Variants in PRTFDC1 observed in about 807,000 individuals in gnomAD.
PRTFDC1 encodes the protein phosphoribosyl transferase domain containing 1, also known as phosphoribosyltransferase domain-containing protein 1.
A neutral mutation model predicts 34.6 loss-of-function variants in PRTFDC1; 38 were observed. That is an observed-to-expected ratio of 1.10 (90% confidence interval 0.85 to 1.44). PRTFDC1 has a LOEUF of 1.44. PRTFDC1 is among the 40% of genes most tolerant of loss of function. The probability of loss-of-function intolerance (pLI) is 0.00; values close to 1 mark genes in which losing one functional copy is unlikely to be tolerated. For missense variants in PRTFDC1, 270 were observed against 283.0 expected, an observed-to-expected ratio of 0.95 and a Z score of 0.33; for synonymous variants, 93 against 98.1, an observed-to-expected ratio of 0.95 and a Z score of 0.31.
intron 3 of PRTFDC1, among the ~76,000 whole-genome samples, chr10:24,928,796 G>A (rs1848921321): frequency 6.6e-6 from 1 of 151,500 alleles, no homozygotes; most frequent in South Asian, 2.1e-4. Context: ...TCAGCACTTT[G>A]GGAGGCCGAG....
intron 3 of PRTFDC1, among the ~76,000 whole-genome samples, chr10:24,928,908 C>A (rs1423106751): frequency 6.6e-6 from 1 of 151,384 alleles, no homozygotes; most frequent in African/African-American, 2.4e-5. Context: ...GGCGTGGTGG[C>A]GGGCGCCTGT....
intron 1 of PRTFDC1, among the ~76,000 whole-genome samples, chr10:24,950,649 G>T (rs972385058): frequency 6.6e-6 from 1 of 151,392 alleles, no homozygotes; most frequent in Non-Finnish European, 1.5e-5. Context: ...CGCCCCTCCT[G>T]CTCAACAATG....
intron 3 of PRTFDC1, among the ~76,000 whole-genome samples, chr10:24,923,999 G>A (rs1848833299): frequency 6.6e-6 from 1 of 152,154 alleles, no homozygotes; most frequent in African/African-American, 2.4e-5. Flanking sequence ...AGAACTTCGT[G>A]ACGCATGCAC....
chr10:24,889,790 A>T (rs1203102859), intron 3 of PRTFDC1, among the ~76,000 whole-genome samples: 1 of 152,232 alleles, frequency 6.6e-6, no homozygotes, highest in Non-Finnish European at 1.5e-5. Context: ...GTTGATTGGC[A>T]GTGCAGGCTT....
chr10:24,951,651 C>T (rs771848516), intron 1 of PRTFDC1: 338 of 973,890 alleles, frequency 3.5e-4, no homozygotes, highest in Non-Finnish European at 3.9e-4. Flanking sequence ...ATCCTCACCA[C>T]CATTGAGTTT....
At chr10:24,877,892 A>G (rs1847993434) in intron 3 of PRTFDC1, among the ~76,000 whole-genome samples, 1 of 149,868 alleles carries the variant, frequency 6.7e-6, no homozygotes, top group Non-Finnish European at 1.5e-5. Context: ...AAGTGCTGGG[A>G]TTACATGCAT....
At chr10:24,914,870 C>T (rs1848672574) in intron 3 of PRTFDC1, among the ~76,000 whole-genome samples, 1 of 152,184 alleles carries the variant, frequency 6.6e-6, no homozygotes, top group East Asian at 1.9e-4. Flanking sequence ...AAAGTTGTCA[C>T]TTGCTGGTCA....
intron 4 of PRTFDC1, 33 bp from the exon 5 acceptor site, chr10:24,858,442 G>T: frequency 6.2e-7 from 1 of 1,609,314 alleles, no homozygotes; most frequent in Non-Finnish European, 8.5e-7. Flanking sequence ...TTTAGAATGT[G>T]ATGCCAATCT....
intron 3 of PRTFDC1, among the ~76,000 whole-genome samples, chr10:24,904,152 C>A (rs1424822386): frequency 1.3e-5 from 2 of 152,032 alleles, no homozygotes; most frequent in African/African-American, 4.8e-5. Context: ...ACAGAGGTAG[C>A]TTGTGTGGAT....
intron 3 of PRTFDC1, among the ~76,000 whole-genome samples, chr10:24,906,472 C>CCA (rs375961155): frequency 1.3e-5 from 2 of 151,688 alleles, no homozygotes; most frequent in African/African-American, 4.8e-5. Flanking sequence ...TCACACACAC[C>CCA]CACACACACA....
chr10:24,937,555 C>CTT (rs35562409), intron 2 of PRTFDC1, among the ~76,000 whole-genome samples, 188 bp from the exon 3 acceptor site: 8 of 139,018 alleles, frequency 5.8e-5, no homozygotes, highest in Admixed American at 1.4e-4. Context: ...AAACATACTG[C>CTT]TTTTTTTTTT....
intron 3 of PRTFDC1, among the ~76,000 whole-genome samples, chr10:24,931,795 G>A (rs1848976209): frequency 6.6e-6 from 1 of 150,594 alleles, no homozygotes; most frequent in African/African-American, 2.4e-5. Context: ...TACCAAAGAC[G>A]AATTAGTACT....
intron 8 of PRTFDC1, among the ~76,000 whole-genome samples, chr10:24,850,445 A>C (rs1588567882): frequency 6.6e-6 from 1 of 152,134 alleles, no homozygotes; most frequent in Non-Finnish European, 1.5e-5. Flanking sequence ...CAGCCTGGAC[A>C]GCATACGAAG....
intron 1 of PRTFDC1, among the ~76,000 whole-genome samples, chr10:24,944,830 T>C (rs1427180255): frequency 6.6e-6 from 1 of 152,048 alleles, no homozygotes; most frequent in African/African-American, 2.4e-5. Flanking sequence ...ATGGCAGCCT[T>C]CTGCTTAGAT....
chr10:24,941,300 T>G (rs1335019852), intron 2 of PRTFDC1, among the ~76,000 whole-genome samples: 2 of 151,994 alleles, frequency 1.3e-5, no homozygotes, highest in Non-Finnish European at 2.9e-5. Flanking sequence ...AACAGTCCTC[T>G]TGCCTCAGCC....
Position 24,858,474 on chromosome 10 carries a change from T to A in PRTFDC1, c.406-65A>T, listed in dbSNP as rs1465379874. 28 of 1,526,458 alleles carry A rather than the reference T, an allele frequency of 1.8e-5. No individual in the cohort carries two copies. The East Asian group carries it at 4.8e-4, about 26-fold the overall frequency. 94.6% of individuals were successfully genotyped at this position (1,526,458 alleles called of 1,614,324 possible). On this transcript the variant is annotated intron_variant, in intron 4 of 8. Transcript: ENST00000320152. ...ATCTGACTCACAGGATACATACACATTTTTTTGCTTATAGTTAGAATTTCA... is the reference window on the plus strand; with the variant it reads ...ATCTGACTCACAGGATACATACACAATTTTTTGCTTATAGTTAGAATTTCA...
intron 3 of PRTFDC1, among the ~76,000 whole-genome samples, chr10:24,876,068 C>T (rs573263702): frequency 1.2e-3 from 175 of 152,078 alleles, no homozygotes; most frequent in Non-Finnish European, 2.2e-3. Flanking sequence ...GGCAAGTCTA[C>T]TTTTTGTTCT....
intron 3 of PRTFDC1, among the ~76,000 whole-genome samples, chr10:24,896,853 T>A (rs939761689): frequency 4.8e-4 from 73 of 152,292 alleles, no homozygotes; most frequent in African/African-American, 1.7e-3. Flanking sequence ...GGAGGGAGGA[T>A]CCCTTAAGGC....
chr10:24,851,394 A>T lies in PRTFDC1; in HGVS notation c.624T>A (p.Asp208Glu), dbSNP rs1364654041. 1 of 1,604,786 alleles carries T rather than the reference A, an allele frequency of 6.2e-7. No homozygotes were observed. Among genetic ancestry groups the T allele is most frequent in the Non-Finnish European group, 8.5e-7 (1 of 1,177,706 alleles). ...ATTTGCATGCAAGACTTACATTCAG[A>T]TCTCTGAAGTATTCATTGTAATCTA... ...YALDYNEYFR[D>E]LNHICVINEH... The change falls in exon 8 of 9, where the codon GAT (aspartate) becomes GAA (glutamate). Residue 208 changes from aspartate (D) to glutamate (E), a missense_variant. Physicochemically the swap from Asp to Glu is conservative, Grantham distance 45. Coordinates refer to ENST00000320152, the MANE Select transcript of PRTFDC1 (RefSeq NM_020200.7).
Sources: gnomAD v4.1 joint callset for allele counts (sites outside exome capture counted in the v4.1 genomes callset) on GRCh38, gnomAD v4.1.1 for gene constraint, MANE v1.5 for transcripts, NCBI Gene and HGNC (gene_info 2026-07-23, HGNC 2026-07-21) for gene names.